NUP62CL: variants seen among roughly 807,000 people sequenced by gnomAD.
The protein encoded by NUP62CL is nucleoporin-62 C-terminal-like protein.
In NUP62CL, 13 loss-of-function variants were observed where a neutral mutation model predicts 15.3. The observed-to-expected ratio is 0.85, with a 90% CI of 0.55 to 1.35. The LOEUF (loss-of-function observed/expected upper bound fraction) is 1.35, where lower values mean the gene tolerates loss of function less well. NUP62CL is among the 40% of genes most tolerant of loss of function. The pLI, the probability that NUP62CL is intolerant of heterozygous loss-of-function variation, is 0.00. For synonymous variants in NUP62CL, 54 were observed against 49.2 expected (o/e 1.10, Z -0.41); for missense variants, 123 against 130.6 (o/e 0.94, Z 0.28).
chrX:107,183,971 G>A (rs1381893724), intron 2 of NUP62CL, among the ~76,000 whole-genome samples: 1 of 110,212 alleles, frequency 9.1e-6, no homozygotes, highest in Non-Finnish European at 1.9e-5. Flanking sequence ...GTCGGGGGCA[G>A]GAATCCCCAC....
chrX:107,141,939 A>G (rs1023775807), intron 8 of NUP62CL, among the ~76,000 whole-genome samples: 2 of 109,556 alleles, frequency 1.8e-5, no homozygotes, highest in African/African-American at 3.3e-5. Flanking sequence ...GCGTGCCTGT[A>G]GTCCCAGCTA....
At chrX:107,182,319 A>G (rs1484693780) in intron 2 of NUP62CL, among the ~76,000 whole-genome samples, 1 of 112,047 alleles carries the variant, frequency 8.9e-6, no homozygotes, top group African/African-American at 3.2e-5. Flanking sequence ...AGTCTTGACA[A>G]CCAAAAATGT....
intron 1 of NUP62CL, among the ~76,000 whole-genome samples, chrX:107,201,085 G>C (rs767569964): frequency 1.8e-5 from 2 of 111,588 alleles, no homozygotes; most frequent in Non-Finnish European, 3.8e-5. Context: ...TAATAGGAAT[G>C]TTCACTTTTT....
chrX:107,136,996 G>A (rs1472257132), intron 8 of NUP62CL, among the ~76,000 whole-genome samples: 3 of 111,824 alleles, frequency 2.7e-5, no homozygotes, highest in Non-Finnish European at 5.6e-5. Context: ...CCTGGGAGGC[G>A]GATGTTGCAG....
chrX:107,124,344 A>G lies in NUP62CL; in HGVS notation c.*43-12T>C, dbSNP rs1398328904. On this transcript the variant is annotated splice_polypyrimidine_tract_variant and intron_variant, in intron 8 of 8. Coordinates refer to ENST00000372466, the MANE Select transcript of NUP62CL (RefSeq NM_017681.3). Reference sequence around the variant, plus strand: ...CCTTCGCAGCATGCCTATAGGAGAAAAAGTCACACAATCATTAATCTAAGG... The same window carrying G: ...CCTTCGCAGCATGCCTATAGGAGAAGAAGTCACACAATCATTAATCTAAGG... 1 of 340,028 alleles carries G rather than the reference A, an allele frequency of 2.9e-6. No individual in the cohort carries two copies. Among genetic ancestry groups the G allele is most frequent in the Admixed American group, 3.1e-5 (1 of 31,822 alleles). 28.0% of individuals were successfully genotyped at this position (340,028 alleles called of 1,213,427 possible). A position where few individuals can be genotyped will look rare whatever the true frequency, so the allele number is the denominator to read the frequency against.
chrX:107,154,005 CAAAG>C lies in NUP62CL; in HGVS notation c.345+87_345+90del. Reference sequence around the variant, plus strand: ...AAAAACATAAACAAAACAACAACAACAAAGAAAACCACAAAACACAGGTCTATTT... The same window carrying C: ...AAAAACATAAACAAAACAACAACAACAAAACCACAAAACACAGGTCTATTT... On this transcript the variant is annotated intron_variant, in intron 5 of 8. Coordinates refer to ENST00000372466, the MANE Select transcript of NUP62CL (RefSeq NM_017681.3). 4 of 893,475 alleles carry C rather than the reference CAAAG, an allele frequency of 4.5e-6. No homozygotes were observed. In the East Asian group the frequency reaches 1.3e-4, roughly 29 times the overall value. The allele number at this position is 893,475 out of a possible 1,213,427, so 73.6% of individuals were successfully genotyped here.
intron 7 of NUP62CL, among the ~76,000 whole-genome samples, chrX:107,152,587 CA>C (rs1293067087): frequency 2.7e-5 from 3 of 111,259 alleles, no homozygotes; most frequent in African/African-American, 9.8e-5. Flanking sequence ...ACCTCAGTTC[CA>C]GAGAAATAAA....
chrX:107,198,225 C>T (rs1387781581), intron 1 of NUP62CL, among the ~76,000 whole-genome samples: 4 of 111,717 alleles, frequency 3.6e-5, no homozygotes, highest in African/African-American at 9.7e-5. Flanking sequence ...CACCAATCAG[C>T]GCTCTGTGTC....
rs1465064808 is a variant in NUP62CL at position 107,124,335 on chromosome X, A to G, written c.*43-3T>C. 8.8e-6 allele frequency: 3 copies of G among 340,100 alleles called. No homozygotes were observed. In the Middle Eastern group the frequency reaches 1.3e-3, roughly 149 times the overall value. 28.0% of individuals were successfully genotyped at this position (340,100 alleles called of 1,213,427 possible). On this transcript the variant is annotated splice_region_variant and splice_polypyrimidine_tract_variant and intron_variant, in intron 8 of 8. Transcript: ENST00000372466. Reference sequence around the variant, plus strand: ...TTCTACCTTCCTTCGCAGCATGCCTATAGGAGAAAAAGTCACACAATCATT... The same window carrying G: ...TTCTACCTTCCTTCGCAGCATGCCTGTAGGAGAAAAAGTCACACAATCATT...
At chrX:107,164,152 A>G (rs1926453069) in intron 4 of NUP62CL, among the ~76,000 whole-genome samples, 1 of 112,049 alleles carries the variant, frequency 8.9e-6, no homozygotes, top group African/African-American at 3.2e-5. Flanking sequence ...TACAAAGCAT[A>G]TTCTAATACC....
At chrX:107,178,134 G>T (rs1926828509) in intron 2 of NUP62CL, among the ~76,000 whole-genome samples, 1 of 111,770 alleles carries the variant, frequency 8.9e-6, no homozygotes, top group African/African-American at 3.3e-5. Context: ...AAAAATATAT[G>T]ATTCCATTAC....
chrX:107,142,238 A>C (rs1176500079), intron 8 of NUP62CL, among the ~76,000 whole-genome samples: 4 of 111,229 alleles, frequency 3.6e-5, no homozygotes, highest in Admixed American at 2.9e-4. Context: ...TGATCCTATG[A>C]CATTTTATGC....
At chrX:107,148,951 C>A (rs759607717) in intron 7 of NUP62CL, among the ~76,000 whole-genome samples, 1 of 111,261 alleles carries the variant, frequency 9.0e-6, no homozygotes, top group South Asian at 3.8e-4. Context: ...ATGTTTTTCC[C>A]GTTTCTTGTC....
chrX:107,189,857 G>A (rs1927169662), intron 2 of NUP62CL, among the ~76,000 whole-genome samples: 3 of 83,952 alleles, frequency 3.6e-5, no homozygotes, highest in African/African-American at 9.5e-5. Context: ...AAGGAAGGAA[G>A]GAAGGAAGGA....
intron 1 of NUP62CL, among the ~76,000 whole-genome samples, chrX:107,205,223 A>G (rs1927646146): frequency 8.9e-6 from 1 of 111,836 alleles, no homozygotes; most frequent in Non-Finnish European, 1.9e-5. Flanking sequence ...TTACAGACTT[A>G]GAATAATGCA....
chrX:107,152,151 G>GA (rs775576182), intron 7 of NUP62CL, among the ~76,000 whole-genome samples: 6 of 42,839 alleles, frequency 1.4e-4, no homozygotes, highest in East Asian at 1.1e-3. Context: ...TATATATTCA[G>GA]ATATATATAT....
intron 8 of NUP62CL, among the ~76,000 whole-genome samples, chrX:107,140,776 G>A (rs1925748489): frequency 8.9e-6 from 1 of 111,958 alleles, no homozygotes; most frequent in Non-Finnish European, 1.9e-5. Flanking sequence ...TTCAAACACT[G>A]AAGTGCTTAG....
At chrX:107,154,364 T>G in intron 4 of NUP62CL, 118 bp from the exon 5 acceptor site, 2 of 486,039 alleles carry the variant, frequency 4.1e-6, no homozygotes, top group Non-Finnish European at 6.3e-6. Context: ...GAATTTCCCA[T>G]ACCTGCTTCC....
chrX:107,129,967 T>C (rs1422307451), intron 8 of NUP62CL, among the ~76,000 whole-genome samples: 1 of 111,593 alleles, frequency 9.0e-6, no homozygotes, highest in Non-Finnish European at 1.9e-5. Flanking sequence ...ATTAAACTTA[T>C]AGCAGAAATC....
Sources: gnomAD v4.1 joint callset for allele counts (sites outside exome capture counted in the v4.1 genomes callset) on GRCh38, gnomAD v4.1.1 for gene constraint, MANE v1.5 for transcripts, NCBI Gene and HGNC (gene_info 2026-07-23, HGNC 2026-07-21) for gene names.